ST8SIA4: variants seen among roughly 807,000 people sequenced by gnomAD.
The protein encoded by ST8SIA4 is ST8 alpha-N-acetyl-neuraminide alpha-2,8-sialyltransferase 4.
In ST8SIA4, 15 loss-of-function variants were observed where a neutral mutation model predicts 33.9. The observed-to-expected ratio is 0.44, with a 90% CI of 0.30 to 0.68. The LOEUF (loss-of-function observed/expected upper bound fraction) is 0.68. Among genes scored for constraint, ST8SIA4 ranks in the 30% least tolerant of loss-of-function variants. ST8SIA4 has a pLI of 0.10. For missense variants in ST8SIA4, 321 were observed against 428.0 expected, an observed-to-expected ratio of 0.75 and a Z score of 2.21; for synonymous variants, 171 against 151.2, an observed-to-expected ratio of 1.13 and a Z score of -0.96.
chr5:100,902,369 GAA>G (rs376758136), intron 1 of ST8SIA4, among the ~76,000 whole-genome samples: 1 of 145,620 alleles, frequency 6.9e-6, no homozygotes, highest in African/African-American at 2.6e-5. Context: ...ACGTCAAATA[GAA>G]AAAAAAAAAG....
At chr5:100,822,147 A>G (rs1349801507) in intron 4 of ST8SIA4, among the ~76,000 whole-genome samples, 3 of 152,218 alleles carry the variant, frequency 2.0e-5, no homozygotes, top group African/African-American at 7.2e-5. Context: ...TTCATTAGTC[A>G]AATATTAATA....
At chr5:100,868,529 G>A (rs578250551) in intron 3 of ST8SIA4, among the ~76,000 whole-genome samples, 24 of 152,050 alleles carry the variant, frequency 1.6e-4, no homozygotes, top group Middle Eastern at 3.4e-3. Flanking sequence ...TAAAATGTAC[G>A]TTTAATCATG....
intron 4 of ST8SIA4, among the ~76,000 whole-genome samples, chr5:100,839,813 T>G (rs1017981677): frequency 6.6e-6 from 1 of 151,836 alleles, no homozygotes; most frequent in Admixed American, 6.6e-5. Flanking sequence ...GTGAGATTGG[T>G]CTAAAGAGAG....
chr5:100,864,834 AAAC>A (rs1385228961), intron 3 of ST8SIA4, among the ~76,000 whole-genome samples: 1 of 152,208 alleles, frequency 6.6e-6, no homozygotes, highest in Admixed American at 6.5e-5. Context: ...GTATCCCACA[AAAC>A]AACCAATTAT....
intron 3 of ST8SIA4, among the ~76,000 whole-genome samples, chr5:100,884,512 A>G (rs1752494963): frequency 4.6e-5 from 7 of 152,204 alleles, no homozygotes; most frequent in Admixed American, 4.6e-4. Flanking sequence ...AATTGCAGGG[A>G]AGTGAGATAT....
At chr5:100,850,590 C>G (rs1751670488) in intron 4 of ST8SIA4, among the ~76,000 whole-genome samples, 1 of 151,834 alleles carries the variant, frequency 6.6e-6, no homozygotes, top group East Asian at 1.9e-4. Flanking sequence ...CATTTTTTCC[C>G]AGACTCAAAT....
chr5:100,824,341 A>C (rs898434732), intron 4 of ST8SIA4, among the ~76,000 whole-genome samples: 1 of 152,200 alleles, frequency 6.6e-6, no homozygotes, highest in Non-Finnish European at 1.5e-5. Context: ...TAGAGTATAA[A>C]CTGCATTAAA....
At chr5:100,867,145 TAAA>T (rs1302976603) in intron 3 of ST8SIA4, among the ~76,000 whole-genome samples, 13 of 152,042 alleles carry the variant, frequency 8.6e-5, no homozygotes, top group African/African-American at 3.1e-4. Flanking sequence ...CCTTTGTAAT[TAAA>T]AAGAAGTGTA....
intron 4 of ST8SIA4, among the ~76,000 whole-genome samples, chr5:100,852,539 T>C (rs1305815800): frequency 6.6e-6 from 1 of 152,210 alleles, no homozygotes; most frequent in Non-Finnish European, 1.5e-5. Flanking sequence ...CCCACACCAA[T>C]TTTATGCTTT....
intron 2 of ST8SIA4, among the ~76,000 whole-genome samples, chr5:100,890,359 T>G (rs1752634690): frequency 6.6e-6 from 1 of 151,924 alleles, no homozygotes; most frequent in Admixed American, 6.6e-5. Flanking sequence ...AGAAAACTCC[T>G]GTACTTAAAC....
intron 3 of ST8SIA4, among the ~76,000 whole-genome samples, chr5:100,869,861 A>T (rs973499715): frequency 3.3e-5 from 5 of 152,112 alleles, no homozygotes; most frequent in Admixed American, 3.3e-4. Context: ...TTTTGTTATT[A>T]TTATACTTTA....
rs371644672 is a variant in ST8SIA4, at chr5:100,873,898, A to T, written c.503+12445T>A. 2.2e-4 allele frequency among the ~76,000 whole-genome samples: 34 copies of T among 152,322 alleles called. No homozygotes were observed. In the East Asian group the frequency reaches 4.6e-3, roughly 21 times the overall value. ...AATATTAGAATATGCTTTTATGTAGATACTTATGAGAGTAGATTATGTAAA... is the reference window on the plus strand; with the variant it reads ...AATATTAGAATATGCTTTTATGTAGTTACTTATGAGAGTAGATTATGTAAA... On this transcript the variant is annotated intron_variant, in intron 3 of 4. Coordinates refer to ENST00000231461, the MANE Select transcript of ST8SIA4 (RefSeq NM_005668.6).
intron 1 of ST8SIA4, among the ~76,000 whole-genome samples, 155 bp downstream of exon 1, chr5:100,902,688 T>C (rs965549782): frequency 2.0e-5 from 3 of 152,200 alleles, no homozygotes; most frequent in African/African-American, 7.2e-5. Flanking sequence ...CACGCACATC[T>C]CAACAACAGC....
At chr5:100,830,189 G>A (rs751717784) in intron 4 of ST8SIA4, among the ~76,000 whole-genome samples, 2 of 152,198 alleles carry the variant, frequency 1.3e-5, no homozygotes, top group Non-Finnish European at 2.9e-5. Flanking sequence ...AAGTGAAAGG[G>A]AATAGAGTTT....
At chr5:100,885,144 C>A (rs1403195097) in intron 3 of ST8SIA4, among the ~76,000 whole-genome samples, 2 of 152,110 alleles carry the variant, frequency 1.3e-5, no homozygotes, top group African/African-American at 2.4e-5. Context: ...GCCATTCCCT[C>A]ATCAAATTTT....
In ST8SIA4 at chr5:100,807,877, A is replaced by G. The variant is rs1278732992; in HGVS notation, c.*3970T>C. The G allele has an allele frequency of 6.6e-6, 1 of 152,562 alleles. No individual in the cohort carries two copies. The highest frequency in any genetic ancestry group is 1.9e-4 in the East Asian group (1 of 5,200). 9.5% of individuals were successfully genotyped at this position (152,562 alleles called of 1,614,324 possible). On this transcript the variant is annotated 3_prime_UTR_variant, in exon 5 of 5. Transcript: ENST00000231461. ...CTATTTGTACTATATAGGTATATCT[A>G]TAGCACATATATAATAAAATATCTA... is the stretch of plus-strand genomic sequence containing the variant.
chr5:100,842,997 C>G (rs902832374), intron 4 of ST8SIA4, among the ~76,000 whole-genome samples: 1 of 151,754 alleles, frequency 6.6e-6, no homozygotes, highest in African/African-American at 2.4e-5. Context: ...TTGCTTGATG[C>G]TATAGCTTAA....
intron 4 of ST8SIA4, among the ~76,000 whole-genome samples, chr5:100,814,136 A>G (rs1750867553): frequency 6.6e-6 from 1 of 152,078 alleles, no homozygotes; most frequent in Admixed American, 6.6e-5. Context: ...CTACAACGTT[A>G]GAAATGCTGA....
At chr5:100,879,671 A>G (rs1196499176) in intron 3 of ST8SIA4, among the ~76,000 whole-genome samples, 1 of 152,214 alleles carries the variant, frequency 6.6e-6, no homozygotes, top group African/African-American at 2.4e-5. Context: ...TACATTCTAT[A>G]AATTTGGAAT....
Sources: allele counts gnomAD v4.1 joint callset (sites outside exome capture counted in the v4.1 genomes callset), GRCh38; gene constraint gnomAD v4.1.1; transcripts MANE v1.5; gene names NCBI Gene and HGNC (gene_info 2026-07-23, HGNC 2026-07-21).